The following GPC6 variants were observed in gnomAD, a reference collection of about 807,000 sequenced individuals.
The protein encoded by GPC6 is glypican 6, also known as glypican-6.
In GPC6, 14 loss-of-function variants were observed where a neutral mutation model predicts 55.2. That is an observed-to-expected ratio of 0.25 (90% CI 0.17 to 0.40). The LOEUF (loss-of-function observed/expected upper bound fraction) is 0.40, where lower values mean the gene tolerates loss of function less well. Among genes scored for constraint, GPC6 ranks in the 10% least tolerant of loss-of-function variants. The pLI is 1.00. For synonymous variants in GPC6, 278 were observed against 259.6 expected (o/e 1.07, Z -0.68); for missense variants, 641 against 708.5 (o/e 0.90, Z 1.08).
At chr13:94,341,447 G>A (rs1027042624) in intron 6 of GPC6, among the ~76,000 whole-genome samples, 1 of 152,036 alleles carries the variant, frequency 6.6e-6, no homozygotes, top group African/African-American at 2.4e-5. Flanking sequence ...TTAGCCAGAT[G>A]TGGTGGCGTG....
intron 3 of GPC6, among the ~76,000 whole-genome samples, chr13:93,949,953 C>T (rs934632215): frequency 6.6e-6 from 1 of 152,092 alleles, no homozygotes; most frequent in African/African-American, 2.4e-5. Context: ...GTCTCCAACT[C>T]CTGAGCTCAA....
chr13:93,492,379 G>A (rs2139358958), intron 1 of GPC6, among the ~76,000 whole-genome samples: 1 of 145,006 alleles, frequency 6.9e-6, no homozygotes, highest in East Asian at 2.0e-4. Context: ...TTTGTATCCT[G>A]AGACTTTGCT....
At chr13:94,303,765 CA>C (rs11300129) in intron 5 of GPC6, among the ~76,000 whole-genome samples, 12,920 of 98,232 alleles carry the variant, frequency 0.13, 1,407 homozygotes, top group African/African-American at 0.31. Flanking sequence ...TAACTCCCTC[CA>C]AAAAAAAAAA....
chr13:94,256,591 A>C (rs1276096875), intron 4 of GPC6, among the ~76,000 whole-genome samples: 1 of 152,170 alleles, frequency 6.6e-6, no homozygotes, highest in Non-Finnish European at 1.5e-5. Context: ...CAGCTCAGGC[A>C]CTACATTCTC....
intron 1 of GPC6, among the ~76,000 whole-genome samples, chr13:93,525,016 T>C (rs1002196696): frequency 1.3e-5 from 2 of 152,078 alleles, no homozygotes; most frequent in African/African-American, 4.8e-5. Flanking sequence ...AAATCCGTAT[T>C]TGGTCGTTGA....
intron 1 of GPC6, among the ~76,000 whole-genome samples, chr13:93,401,901 G>T (rs544456298): frequency 6.6e-5 from 10 of 151,968 alleles, no homozygotes; most frequent in Non-Finnish European, 1.2e-4. Flanking sequence ...TAAGAATAAG[G>T]TTGGGGGAAG....
At chr13:93,970,311 C>A (rs1880230905) in intron 3 of GPC6, among the ~76,000 whole-genome samples, 1 of 152,082 alleles carries the variant, frequency 6.6e-6, no homozygotes, top group Non-Finnish European at 1.5e-5. Flanking sequence ...CATAGACAAA[C>A]AAAACCTGAC....
intron 3 of GPC6, among the ~76,000 whole-genome samples, chr13:93,833,264 T>C (rs1566559535): frequency 6.6e-6 from 1 of 152,122 alleles, no homozygotes; most frequent in African/African-American, 2.4e-5. Flanking sequence ...CCTCACCTAA[T>C]GATTACAAGA....
chr13:93,398,851 T>G (rs1479208278), intron 1 of GPC6, among the ~76,000 whole-genome samples: 1 of 152,176 alleles, frequency 6.6e-6, no homozygotes, highest in African/African-American at 2.4e-5. Context: ...AAAGCCTGTG[T>G]ACTTGACTAT....
chr13:94,213,584 C>T (rs1317132499), intron 4 of GPC6, among the ~76,000 whole-genome samples: 1 of 152,050 alleles, frequency 6.6e-6, no homozygotes, highest in Non-Finnish European at 1.5e-5. Flanking sequence ...GGCAGAGGGC[C>T]ACCGGTCTAG....
chr13:93,340,191 T>G (rs981094648), intron 1 of GPC6, among the ~76,000 whole-genome samples: 1 of 151,900 alleles, frequency 6.6e-6, no homozygotes, highest in Admixed American at 6.6e-5. Flanking sequence ...CCCGCCACCA[T>G]GCCCGGCTAA....
At chr13:93,448,638 G>C (rs1878100858) in intron 1 of GPC6, among the ~76,000 whole-genome samples, 2 of 152,156 alleles carry the variant, frequency 1.3e-5, no homozygotes, top group Non-Finnish European at 2.9e-5. Flanking sequence ...TGTAAATATT[G>C]TCAAACAAGA....
intron 2 of GPC6, among the ~76,000 whole-genome samples, chr13:93,791,111 A>T (rs985552996): frequency 6.6e-6 from 1 of 152,164 alleles, no homozygotes; most frequent in Non-Finnish European, 1.5e-5. Flanking sequence ...GGTTCTGTAC[A>T]TAGTGATTCA....
intron 1 of GPC6, among the ~76,000 whole-genome samples, chr13:93,390,661 TA>T (rs1875590714): frequency 6.6e-6 from 1 of 152,206 alleles, no homozygotes; most frequent in Non-Finnish European, 1.5e-5. Context: ...TTTAAAGCCA[TA>T]TTTTTAAATC....
chr13:93,368,398 T>C (rs193142319), intron 1 of GPC6, among the ~76,000 whole-genome samples: 3 of 141,696 alleles, frequency 2.1e-5, no homozygotes, highest in Non-Finnish European at 3.0e-5. Context: ...CCGTCCTTCC[T>C]TCCTTCCTTC....
intron 1 of GPC6, among the ~76,000 whole-genome samples, chr13:93,353,526 C>CT (rs1880706822): frequency 1.3e-5 from 2 of 152,324 alleles, no homozygotes; most frequent in South Asian, 4.1e-4. Flanking sequence ...ACTCTGAGCT[C>CT]TTTAATGCAG....
At position 93,733,573 on chromosome 13, in the gene GPC6, T is replaced by G. The variant is rs1056254431; in HGVS notation, c.320-96581T>G. 3.8e-4 allele frequency among the ~76,000 whole-genome samples: 58 copies of G among 151,398 alleles called. 2 individuals are homozygous for G. The highest frequency in any genetic ancestry group is 4.4e-5 in the Non-Finnish European group (3 of 67,788). ...TAATCCTCTATCACACTTGAAATTT[T>G]TATGTAAAAAAAAAAATCTGAGAAG... On this transcript the variant is annotated intron_variant, in intron 2 of 8. Transcript: ENST00000377047.
chr13:94,350,145 G>A (rs1878474393), intron 6 of GPC6, among the ~76,000 whole-genome samples: 1 of 151,484 alleles, frequency 6.6e-6, no homozygotes, highest in African/African-American at 2.4e-5. Context: ...TTTGAAATAG[G>A]CTCTCTCCAA....
chr13:94,281,869 A>C (rs1892394054), intron 4 of GPC6, among the ~76,000 whole-genome samples: 1 of 152,220 alleles, frequency 6.6e-6, no homozygotes, highest in Non-Finnish European at 1.5e-5. Flanking sequence ...GCCTTGTAGA[A>C]GTTAAAGCAA....
Sources: gnomAD v4.1 joint callset for allele counts (sites outside exome capture counted in the v4.1 genomes callset) on GRCh38, gnomAD v4.1.1 for gene constraint, MANE v1.5 for transcripts, NCBI Gene and HGNC (gene_info 2026-07-23, HGNC 2026-07-21) for gene names.